The following LDLRAD4 variants were observed in gnomAD, a reference collection of about 807,000 sequenced individuals.
The protein encoded by LDLRAD4 is low density lipoprotein receptor class A domain containing 4.
Under a neutral mutation model 17.0 loss-of-function variants are expected in LDLRAD4, and 5 were observed. The ratio of observed to expected loss-of-function variants is 0.29; its 90% CI spans 0.15 to 0.62. The LOEUF (loss-of-function observed/expected upper bound fraction) is 0.62. LDLRAD4 is among the 20% of genes least tolerant of loss of function. LDLRAD4 has a pLI of 0.84. For synonymous variants in LDLRAD4, 168 were observed against 171.8 expected, an observed-to-expected ratio of 0.98 and a Z score of 0.17; for missense variants, 340 against 424.7, an observed-to-expected ratio of 0.80 and a Z score of 1.75.
chr18:13,370,298 A>G (rs754780715), intron 1 of LDLRAD4, among the ~76,000 whole-genome samples: 6 of 152,214 alleles, frequency 3.9e-5, no homozygotes, highest in Non-Finnish European at 7.3e-5. Flanking sequence ...ATGGGTTGCA[A>G]TCCGAAGTTT....
At chr18:13,381,075 A>ATTTTTT (rs2085322524) in intron 1 of LDLRAD4, among the ~76,000 whole-genome samples, 9 of 72,472 alleles carry the variant, frequency 1.2e-4, no homozygotes, top group Non-Finnish European at 2.7e-4. Flanking sequence ...GTTTCTCTTT[A>ATTTTTT]GTTTTTTTTT....
At chr18:13,467,986 T>C (rs1355936665) in intron 3 of LDLRAD4, among the ~76,000 whole-genome samples, 2 of 152,194 alleles carry the variant, frequency 1.3e-5, no homozygotes, top group Non-Finnish European at 2.9e-5. Flanking sequence ...AAAAATTAGC[T>C]TGAAATGTAT....
chr18:13,626,467 G>A (rs978147172), intron 4 of LDLRAD4, among the ~76,000 whole-genome samples: 1 of 152,194 alleles, frequency 6.6e-6, no homozygotes, highest in Non-Finnish European at 1.5e-5. Flanking sequence ...GGGATGGCAT[G>A]CAGGCAGAAG....
At chr18:13,491,373 C>T (rs1399411900) in intron 3 of LDLRAD4, 1 of 152,206 alleles carries the variant, frequency 6.6e-6, no homozygotes, top group Admixed American at 6.5e-5. Context: ...GTGCATCCGT[C>T]ATGCTCGGGC....
chr18:13,282,046 G>A lies in LDLRAD4; in HGVS notation c.-383+3858G>A, dbSNP rs139918221. Reference sequence around the variant, plus strand: ...GAGAGAATGAGGAAGAAGCAAAAGCGGAAACCCTTGATAAACCCATCATAT... The same window carrying A: ...GAGAGAATGAGGAAGAAGCAAAAGCAGAAACCCTTGATAAACCCATCATAT... On this transcript the variant is annotated intron_variant, in intron 1 of 5. Transcript: ENST00000359446. Among the ~76,000 whole-genome samples, 45 of 152,222 alleles carry A rather than the reference G, an allele frequency of 3.0e-4. No homozygotes were observed. The East Asian group carries it at 7.5e-3, about 25-fold the overall frequency.
chr18:13,581,986 A>C (rs1268549025), intron 3 of LDLRAD4, among the ~76,000 whole-genome samples: 1 of 152,198 alleles, frequency 6.6e-6, no homozygotes, highest in African/African-American at 2.4e-5. Flanking sequence ...ACAAACATGC[A>C]TGTATCTTTC....
intron 3 of LDLRAD4, among the ~76,000 whole-genome samples, chr18:13,503,605 C>G (rs1280149326): frequency 6.6e-6 from 1 of 152,056 alleles, no homozygotes. Context: ...GAAAGCAGCC[C>G]CATGTGAGAT....
chr18:13,259,037 G>A (rs1042685682), intron 1 of LDLRAD4, among the ~76,000 whole-genome samples: 1 of 152,202 alleles, frequency 6.6e-6, no homozygotes, highest in African/African-American at 2.4e-5. Context: ...TGCTCCATTC[G>A]GGATGACTGA....
intron 4 of LDLRAD4, among the ~76,000 whole-genome samples, chr18:13,640,957 G>T (rs1323553029): frequency 6.6e-6 from 1 of 152,234 alleles, no homozygotes; most frequent in Non-Finnish European, 1.5e-5. Context: ...AACACACAGT[G>T]CAGAGGTGCA....
intron 2 of LDLRAD4, among the ~76,000 whole-genome samples, chr18:13,410,251 G>A (rs1482417253): frequency 6.6e-6 from 1 of 151,854 alleles, no homozygotes; most frequent in African/African-American, 2.4e-5. Context: ...GGGGCGCTAA[G>A]GAGACGGGAC....
At chr18:13,350,294 T>A (rs375946047) in intron 1 of LDLRAD4, among the ~76,000 whole-genome samples, 3 of 152,338 alleles carry the variant, frequency 2.0e-5, no homozygotes, top group South Asian at 4.1e-4. Context: ...AGTATCTTAT[T>A]GTTATTTGAC....
intron 3 of LDLRAD4, among the ~76,000 whole-genome samples, chr18:13,553,629 T>A (rs993061432): frequency 6.6e-6 from 1 of 152,228 alleles, no homozygotes; most frequent in African/African-American, 2.4e-5. Context: ...CTGTGGAACT[T>A]AATTAATCTT....
chr18:13,622,610 T>C lies in LDLRAD4; in HGVS notation c.336+1339T>C, dbSNP rs1290214485. On this transcript the variant is annotated intron_variant, in intron 4 of 5. Transcript: ENST00000359446. The surrounding 1 kb of genome is among the most constrained non-coding windows in gnomAD (Gnocchi z 5.3). ...GTCCTTTGTCTGGTGTCCACAGAGC[T>C]GCGCCATCCAGACGCACTGAACACT... is the stretch of plus-strand genomic sequence containing the variant. Among the ~76,000 whole-genome samples the C allele has an allele frequency of 1.3e-5, 2 of 152,194 alleles. No individual in the cohort carries two copies.
At chr18:13,278,843 A>C (rs1179052297) in intron 1 of LDLRAD4, among the ~76,000 whole-genome samples, 1 of 152,098 alleles carries the variant, frequency 6.6e-6, no homozygotes. Flanking sequence ...AGCTCGATAA[A>C]ACTTTTGGCA....
In LDLRAD4 at chr18:13,449,596, G is replaced by A. The variant is rs191830103; in HGVS notation, c.181+11212G>A. Among the ~76,000 whole-genome samples, 34 of 152,368 alleles carry A rather than the reference G, an allele frequency of 2.2e-4. No homozygotes were observed. The East Asian group carries it at 4.6e-3, about 21-fold the overall frequency. On this transcript the variant is annotated intron_variant, in intron 3 of 5. Coordinates refer to ENST00000359446, the Ensembl canonical transcript of LDLRAD4. ...CCTGTCTTCCTGCGGGCGTGCACCTGTTCCGGAGAGGGCCCCTGAGCCAGG... is the reference window on the plus strand; with the variant it reads ...CCTGTCTTCCTGCGGGCGTGCACCTATTCCGGAGAGGGCCCCTGAGCCAGG...
At chr18:13,493,637 G>A (rs994921480) in intron 3 of LDLRAD4, among the ~76,000 whole-genome samples, 1 of 152,194 alleles carries the variant, frequency 6.6e-6, no homozygotes, top group African/African-American at 2.4e-5. Flanking sequence ...TAAGGCATAG[G>A]ACACCGTGCC....
At chr18:13,374,490 G>A (rs1599758314) in intron 1 of LDLRAD4, among the ~76,000 whole-genome samples, 1 of 152,236 alleles carries the variant, frequency 6.6e-6, no homozygotes, top group Admixed American at 6.5e-5. Context: ...AGCCTCTTGG[G>A]CCCTGCCCCG....
chr18:13,508,436 A>G (rs1295631781), intron 3 of LDLRAD4, among the ~76,000 whole-genome samples: 2 of 152,224 alleles, frequency 1.3e-5, no homozygotes, highest in Non-Finnish European at 2.9e-5. Flanking sequence ...TAGGGTTTTC[A>G]TAGCTGGAGA....
chr18:13,268,613 T>G (rs757004639), intron 1 of LDLRAD4, among the ~76,000 whole-genome samples: 1 of 152,222 alleles, frequency 6.6e-6, no homozygotes, highest in African/African-American at 2.4e-5. Flanking sequence ...TTCGCTGCTT[T>G]CTTAAAGGCT....
Sources: gnomAD v4.1 joint callset for allele counts (sites outside exome capture counted in the v4.1 genomes callset) on GRCh38, gnomAD v4.1.1 for gene constraint, Gnocchi (gnomAD v3.1) non-coding constraint, MANE v1.5 for transcripts, NCBI Gene and HGNC (gene_info 2026-07-23, HGNC 2026-07-21) for gene names.